Variants in TENM3 observed in about 807,000 individuals in gnomAD.
TENM3 encodes the protein teneurin transmembrane protein 3.
A neutral mutation model predicts 255.1 loss-of-function variants in TENM3; 63 were observed. The ratio of observed to expected loss-of-function variants is 0.25; its 90% CI spans 0.20 to 0.30. The LOEUF (loss-of-function observed/expected upper bound fraction) is 0.30, where lower values mean the gene tolerates loss of function less well. Among genes scored for constraint, TENM3 ranks in the 10% least tolerant of loss-of-function variants. The pLI, the probability that TENM3 is intolerant of heterozygous loss-of-function variation, is 1.00. For synonymous variants in TENM3, 1,306 were observed against 1,322.3 expected (o/e 0.99, Z 0.27); for missense variants, 2,929 against 3,461.1 (o/e 0.85, Z 3.86).
chr4:182,709,688 A>G (rs1263337485), intron 12 of TENM3, among the ~76,000 whole-genome samples: 2 of 152,062 alleles, frequency 1.3e-5, no homozygotes, highest in Non-Finnish European at 2.9e-5. Flanking sequence ...GGTATTTCAG[A>G]AAGTTTTTTC....
In TENM3 at chr4:182,754,433, T is replaced by A; in HGVS notation, c.4066T>A (p.Ser1356Thr). Residue 1356 changes from serine (S) to threonine (T), a missense_variant, in exon 22 of 28, where the codon TCC (serine) becomes ACC (threonine). Coordinates refer to ENST00000511685, the MANE Select transcript of TENM3 (RefSeq NM_001080477.4). The surrounding 1 kb of genome is among the most constrained non-coding windows in gnomAD (Gnocchi z 5.1). ...TDLAINPMDNSIYVLDNNVVL... is the reference protein window; with the variant it reads ...TDLAINPMDNTIYVLDNNVVL... ...CCTAGCCATTAACCCTATGGATAAC[T>A]CCATTTATGTCCTGGATAATAATGT... 1 of 1,610,196 alleles carries A rather than the reference T, an allele frequency of 6.2e-7. No homozygotes were observed. Among genetic ancestry groups the A allele is most frequent in the Non-Finnish European group, 8.5e-7 (1 of 1,177,958 alleles).
At chr4:181,627,511 G>T in the TENM3 span, among the ~76,000 whole-genome samples, 1 of 152,024 alleles carries the variant, frequency 6.6e-6, no homozygotes, top group Non-Finnish European at 1.5e-5. Flanking sequence ...ACAGGCCCCA[G>T]TGTGTGATGT....
chr4:182,702,639 A>T (rs1382066003), intron 12 of TENM3, among the ~76,000 whole-genome samples: 2 of 152,184 alleles, frequency 1.3e-5, no homozygotes, highest in Non-Finnish European at 2.9e-5. Context: ...CACTGAAGAA[A>T]CTGAGGCTCC....
At chr4:182,163,753 T>G (rs1403388151) in intron 1 of TENM3, among the ~76,000 whole-genome samples, 1 of 152,174 alleles carries the variant, frequency 6.6e-6, no homozygotes, top group Non-Finnish European at 1.5e-5. Context: ...TTGAGTTTGA[T>G]CTCAGCATCA....
chr4:182,678,406 C>G lies in TENM3; in HGVS notation c.1327-1260C>G, dbSNP rs144451823. 6.9e-3 allele frequency among the ~76,000 whole-genome samples: 1,054 copies of G among 152,276 alleles called. 4 individuals are homozygous for G. Among genetic ancestry groups the G allele is most frequent in the Non-Finnish European group, 0.011 (774 of 68,026 alleles). ...TTACTGCCATCCTTTCAGAACCCCT[C>G]CATTGTTTAACTGTTTAGATCAAAG... is the stretch of plus-strand genomic sequence containing the variant. On this transcript the variant is annotated intron_variant, in intron 7 of 27. Transcript: ENST00000511685.
chr4:182,079,436 A>T, the TENM3 span, among the ~76,000 whole-genome samples: 3 of 152,108 alleles, frequency 2.0e-5, no homozygotes, highest in African/African-American at 7.2e-5. Flanking sequence ...GAATGGCGTG[A>T]ACCCAGGAGG....
At chr4:182,368,830 G>A (rs1236646899) in intron 3 of TENM3, among the ~76,000 whole-genome samples, 1 of 152,178 alleles carries the variant, frequency 6.6e-6, no homozygotes, top group Non-Finnish European at 1.5e-5. Flanking sequence ...GTTGACAGCT[G>A]TCAGGCAAGA....
chr4:181,782,184 C>A, the TENM3 span, among the ~76,000 whole-genome samples: 1 of 152,060 alleles, frequency 6.6e-6, no homozygotes, highest in Non-Finnish European at 1.5e-5. Context: ...GGAATAGTTT[C>A]AGAAGGAATG....
intron 1 of TENM3, among the ~76,000 whole-genome samples, chr4:182,234,533 G>A (rs1376876605): frequency 1.3e-5 from 2 of 152,152 alleles, no homozygotes; most frequent in Admixed American, 1.3e-4. Flanking sequence ...AGGAGTTCAA[G>A]ACCAGCTTGA....
chr4:182,031,642 C>T, the TENM3 span, among the ~76,000 whole-genome samples: 1 of 152,090 alleles, frequency 6.6e-6, no homozygotes, highest in Admixed American at 6.5e-5. Flanking sequence ...TTGCTTTGGG[C>T]AGTGTGGCCA....
chr4:182,385,740 GAT>G (rs1282972212), intron 3 of TENM3, among the ~76,000 whole-genome samples: 3 of 152,096 alleles, frequency 2.0e-5, no homozygotes, highest in African/African-American at 4.8e-5. Context: ...TTGCCTCTAA[GAT>G]AAATTATTTC....
intron 3 of TENM3, among the ~76,000 whole-genome samples, chr4:182,369,468 C>T (rs536187618): frequency 1.1e-4 from 16 of 152,202 alleles, no homozygotes; most frequent in Non-Finnish European, 1.9e-4. Flanking sequence ...CCTCAGATTA[C>T]GTGCTTTGCA....
the TENM3 span, among the ~76,000 whole-genome samples, chr4:182,077,124 A>G: frequency 6.6e-6 from 1 of 152,042 alleles, no homozygotes; most frequent in Non-Finnish European, 1.5e-5. Context: ...TCTTGCCATC[A>G]TTGTGTGATA....
At chr4:182,383,234 AT>A (rs2150933282) in intron 3 of TENM3, among the ~76,000 whole-genome samples, 1 of 152,272 alleles carries the variant, frequency 6.6e-6, no homozygotes, top group South Asian at 2.1e-4. Context: ...CCAAGGACTT[AT>A]ACATCAAGTT....
At chr4:181,577,166 A>ATATAT in the TENM3 span, among the ~76,000 whole-genome samples, 339 of 132,804 alleles carry the variant, frequency 2.6e-3, no homozygotes, top group African/African-American at 8.9e-3. Flanking sequence ...TATAAATAAT[A>ATATAT]TATATTATAT....
the TENM3 span, among the ~76,000 whole-genome samples, chr4:181,584,163 G>T: frequency 6.6e-6 from 1 of 152,204 alleles, no homozygotes; most frequent in Non-Finnish European, 1.5e-5. Flanking sequence ...TTGCCTGAAA[G>T]CCAGAAGAGG....
rs1579537978 is a variant in TENM3, at chr4:182,793,644, C to T, written c.6972C>T (p.Ile2324=). 1.2e-6 allele frequency: 2 copies of T among 1,613,986 alleles called. No individual in the cohort carries two copies. Among genetic ancestry groups the T allele is most frequent in the East Asian group, 4.5e-5 (2 of 44,886 alleles). Residue 2324 remains isoleucine, a synonymous_variant, in exon 26 of 28, where the codon ATC becomes ATT. Transcript: ENST00000511685. The surrounding 1 kb of genome is among the most constrained non-coding windows in gnomAD (Gnocchi z 5.7). ...KQIQYTAYGE[I]YFDSNIDFQL... ...TTCAGTACACTGCATATGGGGAAAT[C>T]TATTTTGACTCTAATATTGACTTTC... is the stretch of plus-strand genomic sequence containing the variant.
the TENM3 span, among the ~76,000 whole-genome samples, chr4:181,473,722 GC>G: frequency 4.3e-5 from 6 of 139,240 alleles, no homozygotes. Context: ...TATATCTCTA[GC>G]CATCTAGCCA....
chr4:182,596,192 C>G (rs917745491), intron 3 of TENM3, among the ~76,000 whole-genome samples: 6 of 152,170 alleles, frequency 3.9e-5, no homozygotes, highest in Non-Finnish European at 7.4e-5. Context: ...TGGGGAAATA[C>G]AACATATTTG....
Sources: allele counts gnomAD v4.1 joint callset (sites outside exome capture counted in the v4.1 genomes callset), GRCh38; gene constraint gnomAD v4.1.1; non-coding constraint Gnocchi (gnomAD v3.1); transcripts MANE v1.5; gene names NCBI Gene and HGNC (gene_info 2026-07-23, HGNC 2026-07-21).